CADM1: variants seen among roughly 807,000 people sequenced by gnomAD.
CADM1 encodes the protein cell adhesion molecule 1.
In CADM1, 15 loss-of-function variants were observed where a neutral mutation model predicts 53.1. That is an observed-to-expected ratio of 0.28 (90% confidence interval 0.19 to 0.44). The LOEUF (loss-of-function observed/expected upper bound fraction) is 0.44, where lower values mean the gene tolerates loss of function less well. Ranked by LOEUF, CADM1 falls within the 20% of genes least tolerant of loss-of-function variation. The pLI is 1.00. For missense variants in CADM1, 434 were observed against 611.3 expected (o/e 0.71, Z 3.06); for synonymous variants, 281 against 243.0 (o/e 1.16, Z -1.45).
At chr11:115,273,319 T>G (rs1943355537) in intron 1 of CADM1, among the ~76,000 whole-genome samples, 1 of 152,238 alleles carries the variant, frequency 6.6e-6, no homozygotes, top group Non-Finnish European at 1.5e-5. Flanking sequence ...GTGGTTTATT[T>G]TTTTTCCATC....
At chr11:115,331,635 A>C (rs964460573) in intron 1 of CADM1, among the ~76,000 whole-genome samples, 1 of 152,200 alleles carries the variant, frequency 6.6e-6, no homozygotes, top group Non-Finnish European at 1.5e-5. Context: ...ATGGCTTAGA[A>C]GAAAAAGCAT....
At chr11:115,202,880 T>C (rs1408875947) in intron 8 of CADM1, among the ~76,000 whole-genome samples, 4 of 151,902 alleles carry the variant, frequency 2.6e-5, no homozygotes, top group Non-Finnish European at 5.9e-5. Context: ...TTTCATGTTA[T>C]TTGAACTCGA....
At chr11:115,494,025 G>A (rs1949555021) in intron 1 of CADM1, among the ~76,000 whole-genome samples, 1 of 152,050 alleles carries the variant, frequency 6.6e-6, no homozygotes, top group South Asian at 2.1e-4. Flanking sequence ...CGTGTGCCCA[G>A]GAAAATGTCT....
At chr11:115,326,737 C>G (rs1565366657) in intron 1 of CADM1, among the ~76,000 whole-genome samples, 1 of 152,172 alleles carries the variant, frequency 6.6e-6, no homozygotes, top group Non-Finnish European at 1.5e-5. Context: ...AAGCATGCTT[C>G]TGCCTGCTAA....
At chr11:115,301,465 T>C (rs1944219346) in intron 1 of CADM1, among the ~76,000 whole-genome samples, 1 of 151,904 alleles carries the variant, frequency 6.6e-6, no homozygotes, top group South Asian at 2.1e-4. Context: ...AACAAACAAA[T>C]AAAAAATAAC....
chr11:115,340,658 A>ATATATATATATTT (rs60532835), intron 1 of CADM1, among the ~76,000 whole-genome samples: 2 of 34,936 alleles, frequency 5.7e-5, no homozygotes, highest in African/African-American at 1.4e-4. Flanking sequence ...ATATATATAT[A>ATATATATATATTT]TTTTTTTTTT....
chr11:115,407,313 C>T (rs1947341298), intron 1 of CADM1, among the ~76,000 whole-genome samples: 1 of 152,168 alleles, frequency 6.6e-6, no homozygotes, highest in African/African-American at 2.4e-5. Context: ...TAATTTAGTT[C>T]TATGGTTCCC....
chr11:115,223,118 C>T lies in CADM1; in HGVS notation c.722-5127G>A, dbSNP rs141361629. Among the ~76,000 whole-genome samples, 5 of 152,272 alleles carry T rather than the reference C, an allele frequency of 3.3e-5. No homozygotes were observed. In the East Asian group the frequency reaches 9.7e-4, roughly 29 times the overall value. On this transcript the variant is annotated intron_variant, in intron 5 of 11. Coordinates refer to ENST00000331581, the MANE Select transcript of CADM1 (RefSeq NM_001301043.2). Reference sequence around the variant, plus strand: ...AGAAACATTGGGGCATGGACTTCTCCTTCCACCTTTACTACTGATTAAAAA... The same window carrying T: ...AGAAACATTGGGGCATGGACTTCTCTTTCCACCTTTACTACTGATTAAAAA...
intron 1 of CADM1, chr11:115,256,727 T>C: frequency 4.5e-6 from 2 of 447,250 alleles, no homozygotes; most frequent in Non-Finnish European, 9.1e-6. Context: ...CATGTTCTAG[T>C]TCCTATTGTT....
intron 8 of CADM1, among the ~76,000 whole-genome samples, chr11:115,206,755 C>CTTTTTT (rs1194703150): frequency 1.3e-3 from 7 of 5,432 alleles, no homozygotes; most frequent in Non-Finnish European, 3.0e-3. Flanking sequence ...TGACTGTGGA[C>CTTTTTT]TTCTTTTTTT....
intron 1 of CADM1, among the ~76,000 whole-genome samples, chr11:115,247,787 C>G (rs777009987): frequency 6.6e-6 from 1 of 152,310 alleles, no homozygotes; most frequent in Non-Finnish European, 1.5e-5. Context: ...CAAGGTTTCT[C>G]CTTCAGAGTC....
chr11:115,224,196 C>G (rs972177237), intron 5 of CADM1, among the ~76,000 whole-genome samples: 1 of 151,920 alleles, frequency 6.6e-6, no homozygotes, highest in African/African-American at 2.4e-5. Context: ...AGGGCACTAT[C>G]GATACCAGAG....
At chr11:115,204,163 G>A (rs1940569275) in intron 8 of CADM1, among the ~76,000 whole-genome samples, 1 of 152,196 alleles carries the variant, frequency 6.6e-6, no homozygotes, top group Non-Finnish European at 1.5e-5. Context: ...ATCTATGCCT[G>A]AAACATAAAT....
intron 1 of CADM1, among the ~76,000 whole-genome samples, chr11:115,413,571 T>G (rs1350312466): frequency 2.3e-5 from 3 of 131,098 alleles, no homozygotes; most frequent in African/African-American, 7.9e-5. Flanking sequence ...TTACAAGACT[T>G]GAAACATGAT....
Position 115,417,310 on chromosome 11 carries a change from G to A in CADM1, c.124+86961C>T, listed in dbSNP as rs552224888. On this transcript the variant is annotated intron_variant, in intron 1 of 11. Transcript: ENST00000331581. ...AGCTCACCGTTTACGGGAAACTTGT[G>A]GTGAATCTTTACAAACTAATTCATG... Among the ~76,000 whole-genome samples the A allele has an allele frequency of 2.4e-3, 371 of 152,044 alleles. 2 individuals carry two copies. The highest frequency in any genetic ancestry group is 3.9e-3 in the Non-Finnish European group (267 of 68,004).
chr11:115,376,842 G>A (rs1328553510), intron 1 of CADM1, among the ~76,000 whole-genome samples: 1 of 152,110 alleles, frequency 6.6e-6, no homozygotes, highest in Non-Finnish European at 1.5e-5. Flanking sequence ...TGGTGGTCTT[G>A]GTGTCTCTCT....
chr11:115,451,548 A>G (rs1948572395), intron 1 of CADM1, among the ~76,000 whole-genome samples: 1 of 152,222 alleles, frequency 6.6e-6, no homozygotes, highest in African/African-American at 2.4e-5. Flanking sequence ...TGTATGAAAC[A>G]AAAACATTAT....
At chr11:115,489,223 T>C (rs1304364107) in intron 1 of CADM1, among the ~76,000 whole-genome samples, 1 of 152,188 alleles carries the variant, frequency 6.6e-6, no homozygotes, top group Non-Finnish European at 1.5e-5. Flanking sequence ...AACAACCAAG[T>C]ATGAACAAAC....
At chr11:115,311,547 T>C (rs182498760) in intron 1 of CADM1, among the ~76,000 whole-genome samples, 5 of 152,194 alleles carry the variant, frequency 3.3e-5, no homozygotes, top group Admixed American at 2.6e-4. Context: ...TCATGTTTGA[T>C]TGAAAAAAAT....
Sources: allele counts gnomAD v4.1 joint callset (sites outside exome capture counted in the v4.1 genomes callset), GRCh38; gene constraint gnomAD v4.1.1; transcripts MANE v1.5; gene names NCBI Gene and HGNC (gene_info 2026-07-23, HGNC 2026-07-21).